Variants in CPED1 observed in about 807,000 individuals in gnomAD.
The protein encoded by CPED1 is cadherin-like and PC-esterase domain-containing protein 1.
In CPED1, 114 loss-of-function variants were observed where a neutral mutation model predicts 128.2. The observed-to-expected ratio is 0.89, with a 90% CI of 0.76 to 1.04. The LOEUF is 1.04. CPED1 is among the 50% of genes least tolerant of loss of function. The pLI, the probability that CPED1 is intolerant of heterozygous loss-of-function variation, is 0.00. For synonymous variants in CPED1, 462 were observed against 426.7 expected, an observed-to-expected ratio of 1.08 and a Z score of -1.02; for missense variants, 1,211 against 1,207.1, an observed-to-expected ratio of 1.00 and a Z score of -0.05.
intron 17 of CPED1, among the ~76,000 whole-genome samples, chr7:121,242,416 A>T (rs1395693296): frequency 6.6e-6 from 1 of 152,182 alleles, no homozygotes; most frequent in African/African-American, 2.4e-5. Flanking sequence ...TATTCCTAGC[A>T]TTTGGGAGGT....
rs764125990 is a variant in CPED1, at chr7:121,124,425, C to T, written c.1013C>T (p.Ala338Val). The change falls in exon 8 of 23, where the codon GCT becomes GTT. Residue 338 changes from alanine (A) to valine (V), a missense_variant. Coordinates refer to ENST00000310396, the MANE Select transcript of CPED1 (RefSeq NM_024913.5). ...GCAATTGGCAAACTACTGCTAGCGG[C>T]TGAAGTATTCAGTGAAACATCTACT... ...KEAIGKLLLA[A>V]EVFSETSTLG... 1 of 1,602,368 alleles carries T rather than the reference C, an allele frequency of 6.2e-7. No homozygotes were observed. The highest frequency in any genetic ancestry group is 1.1e-5 in the South Asian group (1 of 89,582).
intron 8 of CPED1, 33 bp downstream of exon 8, chr7:121,124,506 A>G (rs763846150): frequency 7.1e-5 from 98 of 1,370,948 alleles, no homozygotes; most frequent in Middle Eastern, 2.1e-4. Flanking sequence ...AAAAAAAAAG[A>G]AAAGAAAGAA....
intron 12 of CPED1, 58 bp downstream of exon 12, chr7:121,130,352 A>G: frequency 7.0e-7 from 1 of 1,430,946 alleles, no homozygotes; most frequent in Non-Finnish European, 9.4e-7. Context: ...TTACAGATTG[A>G]TTTCAAAAGG....
chr7:121,020,758 G>A (rs1457326168), intron 3 of CPED1, among the ~76,000 whole-genome samples: 2 of 151,862 alleles, frequency 1.3e-5, no homozygotes, highest in Non-Finnish European at 2.9e-5. Flanking sequence ...AGAACAATGA[G>A]AGAAATAATA....
At chr7:121,248,957 T>A (rs1798603215) in intron 18 of CPED1, among the ~76,000 whole-genome samples, 1 of 152,162 alleles carries the variant, frequency 6.6e-6, no homozygotes, top group Non-Finnish European at 1.5e-5. Flanking sequence ...AGTTCAAAGA[T>A]GAAATAGCCA....
At chr7:121,214,183 G>A (rs1797706544) in intron 16 of CPED1, among the ~76,000 whole-genome samples, 1 of 152,096 alleles carries the variant, frequency 6.6e-6, no homozygotes, top group Admixed American at 6.6e-5. Context: ...CCAACATGAT[G>A]AGGATAGTGT....
At chr7:121,290,469 T>C (rs1289184119) in intron 22 of CPED1, among the ~76,000 whole-genome samples, 4 of 152,222 alleles carry the variant, frequency 2.6e-5, no homozygotes, top group Admixed American at 2.6e-4. Flanking sequence ...CCAGCATCTG[T>C]TGTTTCCTGA....
At position 121,288,144 on chromosome 7, in the gene CPED1, T is replaced by TA. The variant is rs1398366915; in HGVS notation, c.2869-7294dup. On this transcript the variant is annotated intron_variant, in intron 22 of 22. Coordinates refer to ENST00000310396, the MANE Select transcript of CPED1 (RefSeq NM_024913.5). Reference sequence around the variant, plus strand: ...AGCATATAATACTACCAGATGTTTTTAATGCTCCTGGATTCAATTCACAAT... The same window carrying TA: ...AGCATATAATACTACCAGATGTTTTTAAATGCTCCTGGATTCAATTCACAAT... Among the ~76,000 whole-genome samples, 3 of 152,218 alleles carry TA rather than the reference T, an allele frequency of 2.0e-5. No individual in the cohort carries two copies. In the East Asian group the frequency reaches 5.8e-4, roughly 29 times the overall value.
intron 16 of CPED1, among the ~76,000 whole-genome samples, chr7:121,211,803 TAA>T (rs1328086422): frequency 6.6e-6 from 1 of 152,036 alleles, no homozygotes; most frequent in Non-Finnish European, 1.5e-5. Context: ...TGGCCTTGAA[TAA>T]AAGAGTCATT....
chr7:121,145,202 G>T (rs954344664), intron 16 of CPED1, among the ~76,000 whole-genome samples: 2 of 151,880 alleles, frequency 1.3e-5, no homozygotes, highest in Admixed American at 6.6e-5. Flanking sequence ...TAGGAAAAAA[G>T]ATTGGTGGGA....
At chr7:121,181,933 T>A (rs576044155) in intron 16 of CPED1, among the ~76,000 whole-genome samples, 1 of 152,194 alleles carries the variant, frequency 6.6e-6, no homozygotes, top group East Asian at 1.9e-4. Context: ...TGGTTCTGAG[T>A]TAGATATTCT....
chr7:121,064,169 G>C, intron 4 of CPED1, 69 bp from the exon 5 acceptor site: 1 of 1,043,422 alleles, frequency 9.6e-7, no homozygotes, highest in Non-Finnish European at 1.5e-6. Context: ...TGGGTTTTTT[G>C]TGTTTGCTTG....
chr7:121,269,293 G>A (rs575059681), intron 21 of CPED1, among the ~76,000 whole-genome samples: 56 of 152,154 alleles, frequency 3.7e-4, no homozygotes, highest in African/African-American at 1.3e-3. Flanking sequence ...GCTAACGGAA[G>A]GCTCCAGGTG....
At chr7:121,203,659 C>G (rs1438783082) in intron 16 of CPED1, among the ~76,000 whole-genome samples, 1 of 152,106 alleles carries the variant, frequency 6.6e-6, no homozygotes, top group Non-Finnish European at 1.5e-5. Flanking sequence ...CTTCATGGTG[C>G]TGAGGAAACT....
chr7:121,099,821 G>A (rs574258870), intron 6 of CPED1, 105 bp from the exon 7 acceptor site: 77 of 1,177,932 alleles, frequency 6.5e-5, no homozygotes, highest in South Asian at 2.3e-4. Context: ...GAGGGCTGGC[G>A]TCCTACAAAG....
At chr7:121,237,910 A>G (rs1798296720) in intron 17 of CPED1, among the ~76,000 whole-genome samples, 1 of 152,210 alleles carries the variant, frequency 6.6e-6, no homozygotes, top group Non-Finnish European at 1.5e-5. Context: ...GGATTTACCC[A>G]TTATGGTGTG....
At chr7:121,130,859 C>T (rs1335407181) in intron 12 of CPED1, among the ~76,000 whole-genome samples, 1 of 151,910 alleles carries the variant, frequency 6.6e-6, no homozygotes, top group Non-Finnish European at 1.5e-5. Context: ...TAAAATTTCC[C>T]ACCTTCACTT....
At chr7:121,114,832 T>TA (rs1214813511) in intron 7 of CPED1, among the ~76,000 whole-genome samples, 4 of 152,256 alleles carry the variant, frequency 2.6e-5, no homozygotes, top group Non-Finnish European at 5.9e-5. Context: ...AGTTCTCATA[T>TA]AAAAATAATG....
chr7:121,067,290 G>A (rs2116067529), intron 5 of CPED1, among the ~76,000 whole-genome samples: 1 of 151,470 alleles, frequency 6.6e-6, no homozygotes, highest in South Asian at 2.1e-4. Flanking sequence ...ACAGGCCCTG[G>A]TGTGTGATGT....
Sources: allele counts gnomAD v4.1 joint callset (sites outside exome capture counted in the v4.1 genomes callset), GRCh38; gene constraint gnomAD v4.1.1; transcripts MANE v1.5; gene names NCBI Gene and HGNC (gene_info 2026-07-23, HGNC 2026-07-21).